The following STXBP4 variants were observed in gnomAD, a reference collection of about 807,000 sequenced individuals.
STXBP4 encodes syntaxin binding protein 4, also known as syntaxin-binding protein 4.
A neutral mutation model predicts 76.1 loss-of-function variants in STXBP4; 55 were observed. The ratio of observed to expected loss-of-function variants is 0.72; its 90% CI spans 0.58 to 0.91. The LOEUF (loss-of-function observed/expected upper bound fraction) is 0.91. Ranked by LOEUF, STXBP4 falls within the 40% of genes least tolerant of loss-of-function variation. The pLI is 0.00. For missense variants in STXBP4, 618 were observed against 636.9 expected (o/e 0.97, Z 0.32); for synonymous variants, 201 against 220.2 (o/e 0.91, Z 0.77).
chr17:55,120,184 C>T (rs1174279392), intron 16 of STXBP4, among the ~76,000 whole-genome samples: 4 of 152,172 alleles, frequency 2.6e-5, no homozygotes, highest in African/African-American at 9.7e-5. Flanking sequence ...ATTTTTAATA[C>T]TGCTACCTTT....
chr17:55,015,320 C>T (rs2078186611), intron 8 of STXBP4, among the ~76,000 whole-genome samples: 1 of 152,192 alleles, frequency 6.6e-6, no homozygotes, highest in South Asian at 2.1e-4. Flanking sequence ...TGAGGGTCTA[C>T]ACTGGGAACT....
intron 17 of STXBP4, among the ~76,000 whole-genome samples, chr17:55,150,760 G>T (rs907812755): frequency 3.9e-5 from 6 of 152,124 alleles, no homozygotes; most frequent in Admixed American, 3.9e-4. Flanking sequence ...GAAGAGAAGG[G>T]TAGGCAGAAT....
chr17:55,114,829 C>T (rs2079762223), intron 16 of STXBP4, among the ~76,000 whole-genome samples: 1 of 151,752 alleles, frequency 6.6e-6, no homozygotes, highest in Non-Finnish European at 1.5e-5. Context: ...CACAATGGGC[C>T]CTTTGGGTAT....
the STXBP4 span, among the ~76,000 whole-genome samples, chr17:55,180,971 T>G: frequency 2.0e-5 from 3 of 152,194 alleles, no homozygotes; most frequent in African/African-American, 7.2e-5. Flanking sequence ...AACAATCCAT[T>G]TTTTACTTTC....
intron 10 of STXBP4, among the ~76,000 whole-genome samples, chr17:55,042,636 T>C (rs1388796683): frequency 6.6e-6 from 1 of 152,134 alleles, no homozygotes; most frequent in Non-Finnish European, 1.5e-5. Flanking sequence ...AGAGACATCA[T>C]GCTAGATGTA....
At chr17:55,077,978 T>G in intron 13 of STXBP4, 100 bp from the exon 14 acceptor site, 1 of 703,402 alleles carries the variant, frequency 1.4e-6, no homozygotes, top group Non-Finnish European at 2.4e-6. Flanking sequence ...AAAAAGATAA[T>G]TTGGTAATAT....
rs547251016 is a variant in STXBP4 at position 55,084,923 on chromosome 17, G to A, written c.1489+3740G>A. ...ACACATGCACATGTATGTTTATTGC[G>A]GCATTATTCACAATAGCAAAGACTT... On this transcript the variant is annotated intron_variant, in intron 16 of 17. Transcript: ENST00000376352. Among the ~76,000 whole-genome samples the A allele has an allele frequency of 6.0e-4, 92 of 152,078 alleles. 1 individual carries two copies. Among genetic ancestry groups the A allele is most frequent in the African/African-American group, 2.1e-3 (87 of 41,492 alleles).
At chr17:55,129,406 T>G (rs1339931809) in intron 16 of STXBP4, among the ~76,000 whole-genome samples, 1 of 152,156 alleles carries the variant, frequency 6.6e-6, no homozygotes, top group East Asian at 1.9e-4. Flanking sequence ...AAAATGTTTA[T>G]AATCCCATGA....
chr17:55,013,716 T>A (rs2078152966), intron 8 of STXBP4, among the ~76,000 whole-genome samples: 1 of 152,240 alleles, frequency 6.6e-6, no homozygotes, highest in Admixed American at 6.5e-5. Flanking sequence ...ATCATCCACA[T>A]ACTGAAGGAC....
intron 12 of STXBP4, among the ~76,000 whole-genome samples, chr17:55,062,344 G>C (rs573315205): frequency 6.6e-6 from 1 of 152,032 alleles, no homozygotes; most frequent in African/African-American, 2.4e-5. Context: ...GCAGTGTTTG[G>C]TTTTCTGTTC....
intron 16 of STXBP4, among the ~76,000 whole-genome samples, chr17:55,140,843 T>C (rs1025890639): frequency 6.6e-6 from 1 of 152,176 alleles, no homozygotes; most frequent in Non-Finnish European, 1.5e-5. Flanking sequence ...AATTTTGTCT[T>C]GTCCAAAAGC....
intron 16 of STXBP4, among the ~76,000 whole-genome samples, chr17:55,107,314 GTTA>G (rs1423492002): frequency 6.6e-6 from 1 of 152,020 alleles, no homozygotes; most frequent in East Asian, 1.9e-4. Flanking sequence ...CTCTCAACTG[GTTA>G]TTCTAGTTAG....
At chr17:55,013,422 AT>A (rs1400596509) in intron 8 of STXBP4, among the ~76,000 whole-genome samples, 1 of 152,136 alleles carries the variant, frequency 6.6e-6, no homozygotes, top group Non-Finnish European at 1.5e-5. Flanking sequence ...TGGCCTGGCT[AT>A]TTTGCCATAC....
intron 15 of STXBP4, 38 bp downstream of exon 15, chr17:55,078,773 G>A: frequency 1.8e-6 from 2 of 1,140,342 alleles, no homozygotes; most frequent in Non-Finnish European, 2.7e-6. Context: ...AATATGGGTA[G>A]TGATTAAATT....
At chr17:55,134,432 T>C (rs1381717766) in intron 16 of STXBP4, among the ~76,000 whole-genome samples, 1 of 152,094 alleles carries the variant, frequency 6.6e-6, no homozygotes, top group African/African-American at 2.4e-5. Flanking sequence ...AAAAATGCTT[T>C]ACTGTAAAAC....
intron 12 of STXBP4, among the ~76,000 whole-genome samples, chr17:55,065,006 A>AT (rs2079033776): frequency 6.6e-6 from 1 of 152,266 alleles, no homozygotes; most frequent in East Asian, 1.9e-4. Flanking sequence ...GTTTTTCCAA[A>AT]TAGTTGTCGC....
At chr17:55,182,075 A>G in the STXBP4 span, among the ~76,000 whole-genome samples, 6 of 152,190 alleles carry the variant, frequency 3.9e-5, no homozygotes, top group African/African-American at 1.2e-4. Flanking sequence ...AACACAAATT[A>G]TCTTTTTCTT....
intron 10 of STXBP4, among the ~76,000 whole-genome samples, chr17:55,040,960 T>C (rs2078687967): frequency 6.6e-6 from 1 of 152,182 alleles, no homozygotes; most frequent in African/African-American, 2.4e-5. Context: ...AAGGGGCTTT[T>C]CAAAGAATTC....
intron 3 of STXBP4, among the ~76,000 whole-genome samples, chr17:54,988,295 G>A (rs1318939883): frequency 6.6e-6 from 1 of 152,172 alleles, no homozygotes; most frequent in Non-Finnish European, 1.5e-5. Context: ...AGAAAAGTAA[G>A]ATCCTATACT....
Sources: gnomAD v4.1 joint callset for allele counts (sites outside exome capture counted in the v4.1 genomes callset) on GRCh38, gnomAD v4.1.1 for gene constraint, MANE v1.5 for transcripts, NCBI Gene and HGNC (gene_info 2026-07-23, HGNC 2026-07-21) for gene names.